ANO10: variants seen among roughly 807,000 people sequenced by gnomAD.
ANO10 encodes the protein anoctamin-10.
A neutral mutation model predicts 74.7 loss-of-function variants in ANO10; 77 were observed. The observed-to-expected ratio is 1.03, with a 90% CI of 0.86 to 1.25. The LOEUF is 1.25. Among genes scored for constraint, ANO10 ranks in the 50% most tolerant of loss-of-function variants. The pLI, the probability that ANO10 is intolerant of heterozygous loss-of-function variation, is 0.00. For synonymous variants in ANO10, 279 were observed against 284.9 expected, an observed-to-expected ratio of 0.98 and a Z score of 0.21; for missense variants, 721 against 778.1, an observed-to-expected ratio of 0.93 and a Z score of 0.87.
intron 9 of ANO10, among the ~76,000 whole-genome samples, chr3:43,557,537 C>T (rs1408635985): frequency 1.3e-5 from 2 of 151,382 alleles, no homozygotes; most frequent in Admixed American, 6.6e-5. Flanking sequence ...AGATTGAGAC[C>T]ATCCTGGCTA....
chr3:43,439,918 AG>A (rs2093134343), intron 11 of ANO10, among the ~76,000 whole-genome samples: 1 of 152,174 alleles, frequency 6.6e-6, no homozygotes, highest in Non-Finnish European at 1.5e-5. Flanking sequence ...TGATAATAAA[AG>A]TGGTGAGGGG....
chr3:43,624,715 T>C (rs1000821213), upstream of ANO10, among the ~76,000 whole-genome samples: 2 of 152,186 alleles, frequency 1.3e-5, no homozygotes, highest in Non-Finnish European at 2.9e-5. Context: ...TATAGCAATA[T>C]GAGAATGGAC....
At chr3:43,482,129 C>T (rs578010379) in intron 11 of ANO10, among the ~76,000 whole-genome samples, 12 of 151,834 alleles carry the variant, frequency 7.9e-5, no homozygotes, top group African/African-American at 1.2e-4. Flanking sequence ...AGGGTTTCGC[C>T]GTGTTAGCCA....
At chr3:43,625,619 G>T (rs1326125558), upstream of ANO10, among the ~76,000 whole-genome samples, 1 of 152,178 alleles carries the variant, frequency 6.6e-6, no homozygotes, top group Non-Finnish European at 1.5e-5. Context: ...GAGTTCGAGA[G>T]CATCTTCTCA....
Position 43,682,153 on chromosome 3 carries a change from A to G in ANO10, c.-12+9364T>C, listed in dbSNP as rs184382314. Among the ~76,000 whole-genome samples the G allele has an allele frequency of 8.2e-4, 125 of 152,318 alleles. 1 individual carries two copies. The East Asian group carries it at 0.023, about 28-fold the overall frequency. ...AATGAATCCAGGAGCTAGTTTTTTGAAAAGATCAACAAAATTGATAGACCG... is the reference window on the plus strand; with the variant it reads ...AATGAATCCAGGAGCTAGTTTTTTGGAAAGATCAACAAAATTGATAGACCG... On this transcript the variant is annotated intron_variant, in intron 1 of 3. Coordinates refer to the ANO10 transcript ENST00000413397.
At chr3:43,582,784 G>T (rs1371854056) in intron 4 of ANO10, among the ~76,000 whole-genome samples, 1 of 152,122 alleles carries the variant, frequency 6.6e-6, no homozygotes, top group Non-Finnish European at 1.5e-5. Context: ...AAAAAGACAT[G>T]GTTGAAGTTA....
chr3:43,528,662 GA>G (rs983103690), intron 11 of ANO10, among the ~76,000 whole-genome samples: 4 of 151,814 alleles, frequency 2.6e-5, no homozygotes, highest in African/African-American at 9.7e-5. Context: ...GTGTCAAAAT[GA>G]AAAAAATGAC....
chr3:43,686,764 G>A (rs1228162615), intron 1 of ANO10, among the ~76,000 whole-genome samples: 1 of 152,218 alleles, frequency 6.6e-6, no homozygotes, highest in African/African-American at 2.4e-5. Flanking sequence ...GTATCAGAGA[G>A]TGTGGGTCTA....
intron 1 of ANO10, chr3:43,691,234 C>A: frequency 4.3e-6 from 2 of 469,502 alleles, no homozygotes; most frequent in Admixed American, 4.5e-5. Flanking sequence ...GAGAGGCTCC[C>A]CTCAGCGTCG....
chr3:43,609,521 T>C (rs2082713902), intron 1 of ANO10, among the ~76,000 whole-genome samples: 1 of 152,104 alleles, frequency 6.6e-6, no homozygotes, highest in Non-Finnish European at 1.5e-5. Flanking sequence ...TTCTAACAAT[T>C]TGGAGAATTC....
At position 43,418,001 on chromosome 3, in the gene ANO10, G is replaced by A. The variant is rs538300660; in HGVS notation, c.1914+14610C>T. On this transcript the variant is annotated intron_variant, in intron 12 of 12. Transcript: ENST00000292246. ...GTGGTAAAGAATTGTAAGGAAGGCC[G>A]GGCGCAGTGGCTCACGCCTGTAATC... 3.0e-4 allele frequency among the ~76,000 whole-genome samples: 45 copies of A among 152,298 alleles called. 1 individual carries two copies. The South Asian group carries it at 8.3e-3, about 28-fold the overall frequency.
chr3:43,484,975 G>C (rs1480374609), intron 11 of ANO10: 3 of 1,377,392 alleles, frequency 2.2e-6, no homozygotes, highest in African/African-American at 1.4e-5. Flanking sequence ...CCTGCACCTA[G>C]AAGAAGGTGT....
intron 4 of ANO10, among the ~76,000 whole-genome samples, chr3:43,588,097 G>A (rs2081559979): frequency 6.6e-6 from 1 of 152,096 alleles, no homozygotes; most frequent in African/African-American, 2.4e-5. Context: ...TTTTAAAACA[G>A]ATTAGATTTT....
At chr3:43,574,656 G>A (rs2080910755) in intron 7 of ANO10, among the ~76,000 whole-genome samples, 153 bp downstream of exon 7, 1 of 152,108 alleles carries the variant, frequency 6.6e-6, no homozygotes, top group Non-Finnish European at 1.5e-5. Context: ...ACTGAACACA[G>A]AGGTACACAT....
At chr3:43,575,782 C>T (rs991832528) in intron 6 of ANO10, among the ~76,000 whole-genome samples, 23 of 152,164 alleles carry the variant, frequency 1.5e-4, no homozygotes, top group East Asian at 5.8e-4. Context: ...GGACTACAGG[C>T]GTGTGCCACC....
chr3:43,552,400 A>T (rs186665539), intron 10 of ANO10, among the ~76,000 whole-genome samples: 114 of 152,104 alleles, frequency 7.5e-4, no homozygotes, highest in Non-Finnish European at 1.3e-3. Flanking sequence ...AATAAAAAAA[A>T]TTTTTTTCTA....
chr3:43,555,319 G>C lies in ANO10; in HGVS notation c.1627C>G (p.Arg543Gly), dbSNP rs752320058. The change falls in exon 10 of 13, where the codon CGT becomes GGT. Residue 543 changes from arginine to glycine, a missense_variant. Physicochemically the swap from Arg to Gly is moderately radical, Grantham distance 125. Coordinates refer to ENST00000292246, the MANE Select transcript of ANO10 (RefSeq NM_018075.5). ...DALKMCRVFK[R>G]PFSEPSANIG... ...TTGGCTGAAGGTTCTGAGAATGGAC[G>C]TTTGAAGACCCTGCACATTTTTAAG... 1 of 1,614,020 alleles carries C rather than the reference G, an allele frequency of 6.2e-7. No individual in the cohort carries two copies. Among genetic ancestry groups the C allele is most frequent in the Admixed American group, 1.7e-5 (1 of 60,014 alleles).
intron 7 of ANO10, among the ~76,000 whole-genome samples, chr3:43,570,853 G>C (rs1215483488): frequency 2.9e-5 from 4 of 139,240 alleles, no homozygotes; most frequent in African/African-American, 8.4e-5. Context: ...TTAAACTAAA[G>C]AGCTTCTGCA....
intron 11 of ANO10, among the ~76,000 whole-genome samples, chr3:43,481,328 T>C (rs913252149): frequency 4.6e-5 from 7 of 152,144 alleles, no homozygotes; most frequent in Non-Finnish European, 7.4e-5. Flanking sequence ...TGGTCAACTG[T>C]AAGTGAAAAA....
Sources: allele counts gnomAD v4.1 joint callset (sites outside exome capture counted in the v4.1 genomes callset), GRCh38; gene constraint gnomAD v4.1.1; transcripts MANE v1.5; gene names NCBI Gene and HGNC (gene_info 2026-07-23, HGNC 2026-07-21).